Variants in FAM169A observed in about 807,000 individuals in gnomAD.
FAM169A encodes soluble lamin-associated protein of 75 kDa.
Under a neutral mutation model 75.7 loss-of-function variants are expected in FAM169A, and 24 were observed. The ratio of observed to expected loss-of-function variants is 0.32; its 90% CI spans 0.23 to 0.45. FAM169A has a LOEUF of 0.45. Among genes scored for constraint, FAM169A ranks in the 20% least tolerant of loss-of-function variants. FAM169A has a pLI of 1.00. For synonymous variants in FAM169A, 271 were observed against 271.0 expected (o/e 1.00, Z 0.00); for missense variants, 673 against 784.0 (o/e 0.86, Z 1.69).
In FAM169A at chr5:74,801,740, C is replaced by A. The variant is rs1388339413; in HGVS notation, c.913-111G>T. 5 of 778,168 alleles carry A rather than the reference C, an allele frequency of 6.4e-6. No individual in the cohort carries two copies. The African/African-American group carries it at 8.8e-5, about 14-fold the overall frequency. The allele number at this position is 778,168 out of a possible 1,614,324, so 48.2% of individuals were successfully genotyped here. ...CTTGTAAAATGTTTTCCAAATAGCA[C>A]TTTTTGTTAACAACATTTACTTTAA... On this transcript the variant is annotated intron_variant, in intron 8 of 12. Transcript: ENST00000687041.
At chr5:74,856,045 T>C (rs1183256339) in intron 1 of FAM169A, among the ~76,000 whole-genome samples, 3 of 152,256 alleles carry the variant, frequency 2.0e-5, no homozygotes, top group Non-Finnish European at 4.4e-5. Flanking sequence ...GATTTTCCTT[T>C]CCCCAGTGTA....
intron 5 of FAM169A, among the ~76,000 whole-genome samples, chr5:74,831,057 C>A (rs2112638235): frequency 6.6e-6 from 1 of 152,244 alleles, no homozygotes; most frequent in South Asian, 2.1e-4. Context: ...TTCAACTTTT[C>A]TTTTGAAAGC....
intron 6 of FAM169A, among the ~76,000 whole-genome samples, chr5:74,812,216 T>C (rs1747231941): frequency 6.6e-6 from 1 of 152,192 alleles, no homozygotes; most frequent in African/African-American, 2.4e-5. Context: ...TTTGACCTCC[T>C]GGGCTCAAGC....
At chr5:74,813,036 A>C (rs1747285799) in intron 6 of FAM169A, among the ~76,000 whole-genome samples, 1 of 152,222 alleles carries the variant, frequency 6.6e-6, no homozygotes, top group Non-Finnish European at 1.5e-5. Context: ...GAACCTTAAA[A>C]ACATGCTAAG....
intron 11 of FAM169A, among the ~76,000 whole-genome samples, chr5:74,794,249 C>T (rs764771778): frequency 6.8e-6 from 1 of 146,950 alleles, no homozygotes; most frequent in Admixed American, 6.9e-5. Flanking sequence ...AAAAAATTAG[C>T]GGGGCATGGT....
chr5:74,783,042 A>T lies in FAM169A; in HGVS notation c.1353T>A (p.Val451=). 1 of 1,613,572 alleles carries T rather than the reference A, an allele frequency of 6.2e-7. No individual in the cohort carries two copies. Among genetic ancestry groups the T allele is most frequent in the Non-Finnish European group, 8.5e-7 (1 of 1,179,534 alleles). ...GCTGCAATTTTAATTCTTCATCTAA[A>T]ACTTCACTAGTGGAGTCTTCCTCTT... The part of the protein sequence containing the change: ...ITEEEDSTSE[V]LDEELKLQPF... Residue 451 remains valine (V), a synonymous_variant, in exon 12 of 13, where the codon GTT becomes GTA. Coordinates refer to ENST00000687041, the MANE Select transcript of FAM169A (RefSeq NM_001376049.1).
At chr5:74,826,503 G>A (rs1447453) in intron 5 of FAM169A, among the ~76,000 whole-genome samples, 39,846 of 151,910 alleles carry the variant, frequency 0.26, 5,900 homozygotes, top group African/African-American at 0.4. Flanking sequence ...CAAAGGAGAC[G>A]TTTTTGCTCA....
chr5:74,832,919 T>G (rs1484868319), intron 5 of FAM169A, among the ~76,000 whole-genome samples: 1 of 151,890 alleles, frequency 6.6e-6, no homozygotes, highest in Non-Finnish European at 1.5e-5. Flanking sequence ...GGACTAAAAG[T>G]GGCAGATACA....
intron 6 of FAM169A, among the ~76,000 whole-genome samples, chr5:74,805,682 C>T (rs778985359): frequency 3.3e-5 from 5 of 151,408 alleles, no homozygotes; most frequent in African/African-American, 7.3e-5. Context: ...AGGCACCCAC[C>T]GCCATGCCTG....
At position 74,849,857 on chromosome 5, in the gene FAM169A, T is replaced by C. The variant is rs545129338; in HGVS notation, c.-3-8178A>G. On this transcript the variant is annotated intron_variant, in intron 1 of 12. Coordinates refer to ENST00000687041, the MANE Select transcript of FAM169A (RefSeq NM_001376049.1). ...AATATGACAAAATAACTGCTACAAC[T>C]ATCAAAATCTCAGATGGGCCTCAAC... Among the ~76,000 whole-genome samples the C allele has an allele frequency of 3.3e-5, 5 of 152,326 alleles. No individual in the cohort carries two copies. In the East Asian group the frequency reaches 9.6e-4, roughly 29 times the overall value.
rs991499674 is a variant in FAM169A, at chr5:74,861,586, G to A, written c.-4+4579C>T. Reference sequence around the variant, plus strand: ...AAAAATCAGCCAGGCGTGCTGATGGGCACCTGTAATCCCAGCTACTAGGGA... The same window carrying A: ...AAAAATCAGCCAGGCGTGCTGATGGACACCTGTAATCCCAGCTACTAGGGA... On this transcript the variant is annotated intron_variant, in intron 1 of 12. Coordinates refer to ENST00000687041, the MANE Select transcript of FAM169A (RefSeq NM_001376049.1). Among the ~76,000 whole-genome samples the A allele has an allele frequency of 3.9e-5, 6 of 152,192 alleles. No individual in the cohort carries two copies. The East Asian group carries it at 9.7e-4, about 25-fold the overall frequency.
At chr5:74,789,304 G>A (rs1253391082) in intron 11 of FAM169A, among the ~76,000 whole-genome samples, 1 of 152,160 alleles carries the variant, frequency 6.6e-6, no homozygotes, top group African/African-American at 2.4e-5. Flanking sequence ...TACAATTCAG[G>A]GACCTTCTAC....
intron 10 of FAM169A, among the ~76,000 whole-genome samples, chr5:74,797,290 C>A (rs1746328701): frequency 6.6e-6 from 1 of 152,190 alleles, no homozygotes; most frequent in African/African-American, 2.4e-5. Flanking sequence ...GTTTCTCTTG[C>A]CTCAGCCTCC....
chr5:74,825,576 A>G (rs1747979174), intron 5 of FAM169A, among the ~76,000 whole-genome samples: 1 of 151,924 alleles, frequency 6.6e-6, no homozygotes, highest in African/African-American at 2.4e-5. Context: ...GAGAGCACAA[A>G]CTCTACTCAC....
chr5:74,783,738 T>C (rs1745530206), intron 11 of FAM169A, among the ~76,000 whole-genome samples: 1 of 152,206 alleles, frequency 6.6e-6, no homozygotes, highest in African/African-American at 2.4e-5. Context: ...TGCTATTTGA[T>C]AACATGAACT....
At chr5:74,841,391 TCAAC>T (rs1444216558) in intron 2 of FAM169A, among the ~76,000 whole-genome samples, 150 bp downstream of exon 2, 7 of 152,188 alleles carry the variant, frequency 4.6e-5, no homozygotes, top group Non-Finnish European at 1.0e-4. Context: ...TAAAAACTGA[TCAAC>T]CAATATTTAT....
upstream of FAM169A, chr5:74,866,860 CAGAGGG>C: frequency 1.0e-6 from 1 of 985,592 alleles, no homozygotes. Context: ...GACAGGGGTG[CAGAGGG>C]CACGGGCGAG....
intron 4 of FAM169A, among the ~76,000 whole-genome samples, chr5:74,837,904 A>C (rs910452334): frequency 6.6e-6 from 1 of 151,818 alleles, no homozygotes; most frequent in African/African-American, 2.4e-5. Context: ...GATCACTTGA[A>C]GTCGGGAGTT....
intron 3 of FAM169A, among the ~76,000 whole-genome samples, chr5:74,839,682 G>A (rs559853291): frequency 8.6e-5 from 13 of 151,892 alleles, no homozygotes; most frequent in African/African-American, 2.2e-4. Flanking sequence ...GTGCCACCAC[G>A]CCCAGCTAAT....
Sources: allele counts gnomAD v4.1 joint callset (sites outside exome capture counted in the v4.1 genomes callset), GRCh38; gene constraint gnomAD v4.1.1; transcripts MANE v1.5; gene names NCBI Gene and HGNC (gene_info 2026-07-23, HGNC 2026-07-21).